PDILT: variants seen among roughly 807,000 people sequenced by gnomAD.
PDILT encodes the protein protein disulfide-isomerase-like protein of the testis.
In PDILT, 43 loss-of-function variants were observed where a neutral mutation model predicts 53.7. The observed-to-expected ratio is 0.80, with a 90% CI of 0.63 to 1.03. The LOEUF is 1.03. Among genes scored for constraint, PDILT ranks in the 50% least tolerant of loss-of-function variants. PDILT has a pLI of 0.00. For synonymous variants in PDILT, 282 were observed against 274.2 expected, an observed-to-expected ratio of 1.03 and a Z score of -0.28; for missense variants, 727 against 712.3, an observed-to-expected ratio of 1.02 and a Z score of -0.24.
intron 2 of PDILT, among the ~76,000 whole-genome samples, chr16:20,398,589 C>A (rs1039038687): frequency 1.3e-5 from 2 of 152,144 alleles, no homozygotes; most frequent in African/African-American, 2.4e-5. Context: ...TGGGATTATG[C>A]CACTGCACTC....
At chr16:20,369,776 C>T (rs1291096654) in intron 7 of PDILT, 87 bp from the exon 8 acceptor site, 20 of 1,343,034 alleles carry the variant, frequency 1.5e-5, no homozygotes, top group Non-Finnish European at 1.9e-5. Context: ...AGGGGATGCA[C>T]ATGGTGGGGT....
At chr16:20,378,546 A>T (rs1966418299) in intron 3 of PDILT, among the ~76,000 whole-genome samples, 1 of 152,060 alleles carries the variant, frequency 6.6e-6, no homozygotes, top group Non-Finnish European at 1.5e-5. Flanking sequence ...GTACCTATCA[A>T]CCCATCACCT....
rs1417420250 is a variant in PDILT at position 20,372,839 on chromosome 16, T to C, written c.881A>G (p.Gln294Arg). 4 of 1,614,094 alleles carry C rather than the reference T, an allele frequency of 2.5e-6. No homozygotes were observed. The highest frequency in any genetic ancestry group is 3.4e-6 in the Non-Finnish European group (4 of 1,179,948). The change falls in exon 7 of 12, where the codon CAG becomes CGG. Residue 294 changes from glutamine to arginine, a missense_variant. By Grantham distance (43) the Gln-to-Arg change is conservative. Coordinates refer to ENST00000302451, the MANE Select transcript of PDILT (RefSeq NM_174924.2). ...KSSESYGIII[Q>R]HYKLASKEFQ... The stretch of plus-strand genomic sequence containing the variant: ...TTCCTTTGATGCCAGCTTATAATGC[T>C]GAATTATGATACCATATGACTCGGA...
At chr16:20,364,959 C>T (rs1475547999) in intron 9 of PDILT, among the ~76,000 whole-genome samples, 1 of 152,174 alleles carries the variant, frequency 6.6e-6, no homozygotes, top group East Asian at 1.9e-4. Context: ...GTTCAAATCC[C>T]AGTTCCGGCA....
At chr16:20,382,793 G>T (rs546016434) in intron 3 of PDILT, among the ~76,000 whole-genome samples, 1 of 152,134 alleles carries the variant, frequency 6.6e-6, no homozygotes, top group Admixed American at 6.5e-5. Context: ...TTCGACGAGC[G>T]GCAGTGATTG....
At chr16:20,381,298 G>T (rs1321943818) in intron 3 of PDILT, among the ~76,000 whole-genome samples, 1 of 152,196 alleles carries the variant, frequency 6.6e-6, no homozygotes, top group Non-Finnish European at 1.5e-5. Context: ...GCTCAGAGGA[G>T]CCCTGGCAAG....
At chr16:20,397,002 T>C (rs1966670125) in intron 2 of PDILT, among the ~76,000 whole-genome samples, 1 of 152,232 alleles carries the variant, frequency 6.6e-6, no homozygotes, top group Non-Finnish European at 1.5e-5. Flanking sequence ...GTGAGAAAAC[T>C]GGCGAGGATG....
intron 7 of PDILT, among the ~76,000 whole-genome samples, chr16:20,370,604 G>A (rs1412629430): frequency 6.6e-6 from 1 of 152,198 alleles, no homozygotes; most frequent in Non-Finnish European, 1.5e-5. Flanking sequence ...TGTCAGAGGT[G>A]TTTAAACCAG....
chr16:20,367,951 GA>G (rs1158188030), intron 8 of PDILT, among the ~76,000 whole-genome samples: 1 of 152,124 alleles, frequency 6.6e-6, no homozygotes, highest in Non-Finnish European at 1.5e-5. Flanking sequence ...ACAGGAGGTG[GA>G]AGATGGAGGG....
chr16:20,364,454 A>T (rs4483850), intron 9 of PDILT, among the ~76,000 whole-genome samples: 52,232 of 152,166 alleles, frequency 0.34, 11,221 homozygotes, highest in Non-Finnish European at 0.49. Flanking sequence ...CTAGGGTAAG[A>T]TCATTAACCT....
Position 20,365,502 on chromosome 16 carries a change from G to A in PDILT, c.1155C>T (p.Asp385=). The part of the protein sequence containing the change: ...QSSEEIPKYW[D]QGLVKQLVGK... ...CCACGAGCTGCTTAACCAGTCCCTG[G>A]TCCCAGTATTTTGGAATCTCTTCAC... The change falls in exon 9 of 12, where the codon GAC becomes GAT. Residue 385 remains aspartate, a synonymous_variant. Transcript: ENST00000302451. 1.2e-6 allele frequency: 2 copies of A among 1,613,948 alleles called. No homozygotes were observed. Among genetic ancestry groups the A allele is most frequent in the Non-Finnish European group, 1.7e-6 (2 of 1,179,836 alleles).
chr16:20,384,576 C>T (rs137874409), intron 3 of PDILT, 69 bp downstream of exon 3: 1 of 1,586,938 alleles, frequency 6.3e-7, no homozygotes, highest in Non-Finnish European at 8.6e-7. Context: ...AGCCTCCCAC[C>T]TTTACCCTAT....
At chr16:20,373,837 C>A (rs184020439) in intron 5 of PDILT, among the ~76,000 whole-genome samples, 1 of 152,350 alleles carries the variant, frequency 6.6e-6, no homozygotes, top group East Asian at 1.9e-4. Flanking sequence ...TGGAGTCTGT[C>A]TGAGCCTACT....
At chr16:20,380,620 G>A (rs567952674) in intron 3 of PDILT, among the ~76,000 whole-genome samples, 24 of 152,322 alleles carry the variant, frequency 1.6e-4, no homozygotes, top group African/African-American at 5.8e-4. Context: ...ACAGGCGTGA[G>A]CCACCGTGCC....
intron 2 of PDILT, among the ~76,000 whole-genome samples, chr16:20,390,372 C>T (rs2141616140): frequency 6.6e-6 from 1 of 152,204 alleles, no homozygotes; most frequent in East Asian, 1.9e-4. Context: ...GGTATTTTTA[C>T]TCTCTGTTCC....
At chr16:20,395,356 A>C (rs1406479538) in intron 2 of PDILT, among the ~76,000 whole-genome samples, 1 of 152,222 alleles carries the variant, frequency 6.6e-6, no homozygotes, top group African/African-American at 2.4e-5. Context: ...AAAGGGACAT[A>C]GGTGGCTGAC....
In PDILT at chr16:20,359,206, C is replaced by A. The variant is rs1323446541; in HGVS notation, c.*113G>T. 2 of 1,500,972 alleles carry A rather than the reference C, an allele frequency of 1.3e-6. No individual in the cohort carries two copies. Among genetic ancestry groups the A allele is most frequent in the South Asian group, 1.3e-5 (1 of 74,236 alleles). 93.0% of individuals were successfully genotyped at this position (1,500,972 alleles called of 1,614,324 possible). A position where few individuals can be genotyped will look rare whatever the true frequency, so the allele number is the denominator to read the frequency against. ...CAGAGGCTTTATTATCCACCCCTACCCCCGCCCCACCTACCCTACCACAAT... is the reference window on the plus strand; with the variant it reads ...CAGAGGCTTTATTATCCACCCCTACACCCGCCCCACCTACCCTACCACAAT... On this transcript the variant is annotated 3_prime_UTR_variant, in exon 12 of 12. Coordinates refer to ENST00000302451, the MANE Select transcript of PDILT (RefSeq NM_174924.2).
chr16:20,383,349 C>T (rs1051396360), intron 3 of PDILT, among the ~76,000 whole-genome samples: 1 of 152,166 alleles, frequency 6.6e-6, no homozygotes, highest in African/African-American at 2.4e-5. Flanking sequence ...ACAAAGGGCT[C>T]CTTGCTGGTG....
intron 2 of PDILT, among the ~76,000 whole-genome samples, chr16:20,393,204 A>G (rs2141618538): frequency 6.6e-6 from 1 of 152,288 alleles, no homozygotes; most frequent in Admixed American, 6.5e-5. Flanking sequence ...TGCTGGCCTG[A>G]ATTCTAGTGT....
Sources: allele counts gnomAD v4.1 joint callset (sites outside exome capture counted in the v4.1 genomes callset), GRCh38; gene constraint gnomAD v4.1.1; transcripts MANE v1.5; gene names NCBI Gene and HGNC (gene_info 2026-07-23, HGNC 2026-07-21).